Variants in CAPRIN1 observed in about 807,000 individuals in gnomAD.
CAPRIN1 encodes caprin-1.
A neutral mutation model predicts 100.9 loss-of-function variants in CAPRIN1; 29 were observed. That is an observed-to-expected ratio of 0.29 (90% CI 0.21 to 0.39). The LOEUF is 0.39. CAPRIN1 is among the 10% of genes least tolerant of loss of function. The probability of loss-of-function intolerance (pLI) is 1.00; values close to 1 mark genes in which losing one functional copy is unlikely to be tolerated. For synonymous variants in CAPRIN1, 338 were observed against 307.5 expected (o/e 1.10, Z -1.04); for missense variants, 795 against 876.7 (o/e 0.91, Z 1.18).
chr11:34,096,254 G>A (rs1851365541), intron 15 of CAPRIN1: 1 of 428,778 alleles, frequency 2.3e-6, no homozygotes. Flanking sequence ...TGCTTTCAAA[G>A]GTTTGGAATT....
chr11:34,086,562 G>C, intron 11 of CAPRIN1, 149 bp downstream of exon 11: 1 of 559,598 alleles, frequency 1.8e-6, no homozygotes, highest in Non-Finnish European at 3.1e-6. Context: ...GAATGTTATT[G>C]TTCCTATGAT....
chr11:34,060,516 T>C (rs1277840433), intron 2 of CAPRIN1, among the ~76,000 whole-genome samples: 2 of 152,174 alleles, frequency 1.3e-5, no homozygotes, highest in South Asian at 2.1e-4. Context: ...CCCTCAATAC[T>C]GTTATCTAAA....
chr11:34,073,572 C>T lies in CAPRIN1; in HGVS notation c.366+1585C>T, dbSNP rs60258686. Among the ~76,000 whole-genome samples, 384 of 152,194 alleles carry T rather than the reference C, an allele frequency of 2.5e-3. 2 individuals are homozygous for T. The highest frequency in any genetic ancestry group is 8.2e-3 in the African/African-American group (341 of 41,526). ...CTGAGTAACTGGGACTACAGACCTG[C>T]GCCACCATGCCAGTCTAATTTTCTA... is the stretch of plus-strand genomic sequence containing the variant. On this transcript the variant is annotated intron_variant, in intron 4 of 18. Transcript: ENST00000341394.
intron 9 of CAPRIN1, among the ~76,000 whole-genome samples, chr11:34,083,728 C>A (rs1304668595): frequency 6.6e-6 from 1 of 152,150 alleles, no homozygotes; most frequent in Non-Finnish European, 1.5e-5. Flanking sequence ...TAGCTGTAAG[C>A]TGAGGGTAAT....
chr11:34,090,555 G>A lies in CAPRIN1; in HGVS notation c.1431G>A (p.Gln477=). ...IQATISLNTD[Q]TTASSSLPAA... Reference sequence around the variant, plus strand: ...CAACAATCTCTTTAAATACAGACCAGACTACAGCATCATCATCCCTTCCTG... The same window carrying A: ...CAACAATCTCTTTAAATACAGACCAAACTACAGCATCATCATCCCTTCCTG... The change falls in exon 14 of 19, where the codon CAG becomes CAA. Residue 477 remains glutamine (Q), a synonymous_variant. Coordinates refer to ENST00000341394, the MANE Select transcript of CAPRIN1 (RefSeq NM_005898.5). 2 of 1,614,126 alleles carry A rather than the reference G, an allele frequency of 1.2e-6. No individual in the cohort carries two copies. The highest frequency in any genetic ancestry group is 1.7e-6 in the Non-Finnish European group (2 of 1,180,022).
At chr11:34,099,025 A>G (rs1262422343) in intron 18 of CAPRIN1, 3 of 1,303,510 alleles carry the variant, frequency 2.3e-6, no homozygotes, top group East Asian at 6.3e-5. Flanking sequence ...CCTGGCACAT[A>G]GTAGGCACTC....
At chr11:34,071,520 G>A (rs1441249823) in intron 2 of CAPRIN1, among the ~76,000 whole-genome samples, 4 of 152,066 alleles carry the variant, frequency 2.6e-5, no homozygotes, top group Admixed American at 6.6e-5. Flanking sequence ...AGACAAGATC[G>A]TGCCATTGCA....
intron 18 of CAPRIN1, 78 bp from the exon 19 acceptor site, chr11:34,099,225 G>A: frequency 1.3e-6 from 2 of 1,572,890 alleles, no homozygotes; most frequent in Non-Finnish European, 1.7e-6. Context: ...CATGCTTCTT[G>A]ACTTCAGATG....
In CAPRIN1 at chr11:34,091,369, A is replaced by G. The variant is rs530275060; in HGVS notation, c.1555-537A>G. ...TGGCGTGATCTCAGCTCACTGCAAT[A>G]TCCGCCTCCTGGGTTCAAGCGATTC... On this transcript the variant is annotated intron_variant, in intron 14 of 18. Transcript: ENST00000341394. Among the ~76,000 whole-genome samples, 5 of 152,234 alleles carry G rather than the reference A, an allele frequency of 3.3e-5. No individual in the cohort carries two copies. In the South Asian group the frequency reaches 6.2e-4, roughly 19 times the overall value.
rs557876394 is a variant in CAPRIN1 at position 34,083,740 on chromosome 11, T to C, written c.966+699T>C. Among the ~76,000 whole-genome samples the C allele has an allele frequency of 1.9e-4, 29 of 152,282 alleles. No individual in the cohort carries two copies. The South Asian group carries it at 5.6e-3, about 29-fold the overall frequency. On this transcript the variant is annotated intron_variant, in intron 9 of 18. Coordinates refer to ENST00000341394, the MANE Select transcript of CAPRIN1 (RefSeq NM_005898.5). ...AAATAGCTGTAAGCTGAGGGTAATA[T>C]GCTTTTCCTTTTAATATGTTATTCT... is the stretch of plus-strand genomic sequence containing the variant.
In CAPRIN1 at chr11:34,096,636, G is replaced by A; in HGVS notation, c.1863G>A (p.Leu621=). 1.2e-6 allele frequency: 2 copies of A among 1,608,704 alleles called. No homozygotes were observed. The highest frequency in any genetic ancestry group is 1.7e-6 in the Non-Finnish European group (2 of 1,175,618). ...GAGGCTCCCGTGGTGCTAGAGGCTT[G>A]ATGAATGGATACCGGGGCCCTGCCA... ...SRGGSRGARG[L]MNGYRGPANG... is the part of the protein sequence containing the mutation. Residue 621 remains leucine (L), a synonymous_variant, in exon 16 of 19, where the codon TTG becomes TTA. Coordinates refer to ENST00000341394, the MANE Select transcript of CAPRIN1 (RefSeq NM_005898.5).
chr11:34,094,181 C>T (rs1347837722), intron 15 of CAPRIN1, among the ~76,000 whole-genome samples: 3 of 151,874 alleles, frequency 2.0e-5, no homozygotes, highest in East Asian at 3.9e-4. Context: ...CATTGTGGGC[C>T]GTTGTCCAGT....
intron 9 of CAPRIN1, among the ~76,000 whole-genome samples, chr11:34,084,684 G>A (rs1364540104): frequency 6.6e-6 from 1 of 152,178 alleles, no homozygotes; most frequent in Non-Finnish European, 1.5e-5. Context: ...TATATGAGGT[G>A]TACAAACCCA....
chr11:34,071,870 C>A, intron 3 of CAPRIN1, 31 bp from the exon 4 acceptor site: 1 of 1,595,090 alleles, frequency 6.3e-7, no homozygotes, highest in Non-Finnish European at 8.6e-7. Context: ...TTTTGTCTTT[C>A]CAGTAAAGTT....
At chr11:34,092,098 GCA>G in intron 15 of CAPRIN1, 42 bp downstream of exon 15, 1 of 1,600,050 alleles carries the variant, frequency 6.2e-7, no homozygotes, top group Non-Finnish European at 8.5e-7. Context: ...TTGCTTTCCA[GCA>G]CAGTTATTGA....
chr11:34,053,184 A>G, intron 2 of CAPRIN1: 1 of 984,816 alleles, frequency 1.0e-6, no homozygotes, highest in Non-Finnish European at 1.2e-6. Context: ...TAGAATCTTA[A>G]GGTAGAACTG....
rs1298268244 is a variant in CAPRIN1, at chr11:34,101,010, T to G, written c.*1643T>G. 6.6e-6 allele frequency: 1 copy of G among 152,630 alleles called. No individual in the cohort carries two copies. Among genetic ancestry groups the G allele is most frequent in the Non-Finnish European group, 1.5e-5 (1 of 68,004 alleles). The allele number at this position is 152,630 out of a possible 1,614,324, so 9.5% of individuals were successfully genotyped here. A position where few individuals can be genotyped will look rare whatever the true frequency, so the allele number is the denominator to read the frequency against. ...AAAACTATTCTCAAACATTCATCATTAGACAACTGGAGTTTTTGCTGGTTT... is the reference window on the plus strand; with the variant it reads ...AAAACTATTCTCAAACATTCATCATGAGACAACTGGAGTTTTTGCTGGTTT... On this transcript the variant is annotated 3_prime_UTR_variant, in exon 19 of 19. Transcript: ENST00000341394.
Position 34,099,436 on chromosome 11 carries a change from A to G in CAPRIN1, c.*69A>G. On this transcript the variant is annotated 3_prime_UTR_variant, in exon 19 of 19. Transcript: ENST00000341394. ...CAGTGTACCATAATATGTTACCAGA[A>G]GAGTTATTATCTATTTGTTCTCCCT... 1 of 1,270,686 alleles carries G rather than the reference A, an allele frequency of 7.9e-7. No individual in the cohort carries two copies. The highest frequency in any genetic ancestry group is 1.1e-6 in the Non-Finnish European group (1 of 870,286). The allele number at this position is 1,270,686 out of a possible 1,614,324, so 78.7% of individuals were successfully genotyped here.
chr11:34,088,794 C>T (rs1252744869), intron 11 of CAPRIN1, among the ~76,000 whole-genome samples: 2 of 152,140 alleles, frequency 1.3e-5, no homozygotes, highest in East Asian at 3.8e-4. Context: ...TTAGTGCATT[C>T]TATTAACATT....
Sources: allele counts gnomAD v4.1 joint callset (sites outside exome capture counted in the v4.1 genomes callset), GRCh38; gene constraint gnomAD v4.1.1; transcripts MANE v1.5; gene names NCBI Gene and HGNC (gene_info 2026-07-23, HGNC 2026-07-21).